XKR4: variants seen among roughly 807,000 people sequenced by gnomAD.
XKR4 encodes XK related 4.
Under a neutral mutation model 53.9 loss-of-function variants are expected in XKR4, and 12 were observed. That is an observed-to-expected ratio of 0.22 (90% CI 0.14 to 0.36). XKR4 has a LOEUF of 0.36. Among genes scored for constraint, XKR4 ranks in the 10% least tolerant of loss-of-function variants. The pLI is 1.00. For synonymous variants in XKR4, 354 were observed against 362.4 expected (o/e 0.98, Z 0.26); for missense variants, 799 against 859.5 (o/e 0.93, Z 0.88).
At chr8:55,439,076 G>A (rs566478431) in intron 2 of XKR4, among the ~76,000 whole-genome samples, 10 of 152,304 alleles carry the variant, frequency 6.6e-5, no homozygotes, top group South Asian at 6.2e-4. Context: ...GAGTACAGAA[G>A]TAAATAAGAT....
Position 55,446,817 on chromosome 8 carries a change from C to T in XKR4, c.1007-76464C>T, listed in dbSNP as rs180835417. On this transcript the variant is annotated intron_variant, in intron 2 of 2. Transcript: ENST00000327381. ...TTCTGAAAGAGATTCCTGCAGTTATCCAAGGAAATAGCCACTTAGGTCAAT... is the reference window on the plus strand; with the variant it reads ...TTCTGAAAGAGATTCCTGCAGTTATTCAAGGAAATAGCCACTTAGGTCAAT... Among the ~76,000 whole-genome samples, 110 of 152,244 alleles carry T rather than the reference C, an allele frequency of 7.2e-4. 1 individual carries two copies. The highest frequency in any genetic ancestry group is 2.6e-3 in the African/African-American group (107 of 41,548).
intron 2 of XKR4, chr8:55,454,065 G>T (rs1055725518): frequency 1.2e-6 from 1 of 825,718 alleles, no homozygotes. Flanking sequence ...TGGAAGAGCC[G>T]CAGCTCTTTG....
chr8:55,225,430 C>G (rs1563487389), intron 1 of XKR4, among the ~76,000 whole-genome samples: 1 of 152,184 alleles, frequency 6.6e-6, no homozygotes, highest in Non-Finnish European at 1.5e-5. Context: ...TGCCCACAGT[C>G]TAAATGGGCT....
intron 1 of XKR4, among the ~76,000 whole-genome samples, chr8:55,190,293 C>G (rs187439996): frequency 6.6e-6 from 1 of 152,306 alleles, no homozygotes; most frequent in East Asian, 1.9e-4. Context: ...ACAGGGCAAA[C>G]AATTACTAGG....
chr8:55,202,102 C>G (rs1024767080), intron 1 of XKR4, among the ~76,000 whole-genome samples: 7 of 152,236 alleles, frequency 4.6e-5, no homozygotes, highest in African/African-American at 1.7e-4. Context: ...CTGGTGCCAA[C>G]AACTGCTCAG....
chr8:55,230,325 C>T (rs1027306751), intron 1 of XKR4, among the ~76,000 whole-genome samples: 9 of 150,928 alleles, frequency 6.0e-5, no homozygotes, highest in Non-Finnish European at 1.2e-4. Context: ...TTTTAAATTA[C>T]CATCTATGGT....
rs1261200112 is a variant in XKR4, at chr8:55,533,391, T to C, written c.*9164T>C. ...CATTTTATATCATTCTTTCAAAAAA[T>C]TAAAATATTCAACTTCCCTTATTAA... On this transcript the variant is annotated 3_prime_UTR_variant, in exon 3 of 3. Transcript: ENST00000327381. 2.0e-5 allele frequency: 3 copies of C among 152,220 alleles called. No homozygotes were observed. The highest frequency in any genetic ancestry group is 2.9e-5 in the Non-Finnish European group (2 of 68,026). The allele number at this position is 152,220 out of a possible 1,614,324, so 9.4% of individuals were successfully genotyped here.
intron 1 of XKR4, among the ~76,000 whole-genome samples, chr8:55,234,084 G>C (rs1818084630): frequency 6.6e-6 from 1 of 152,146 alleles, no homozygotes; most frequent in Admixed American, 6.5e-5. Flanking sequence ...GGTCAAGATA[G>C]ATATTAGCAA....
chr8:55,375,380 G>C (rs919462287), intron 2 of XKR4, among the ~76,000 whole-genome samples: 1 of 152,156 alleles, frequency 6.6e-6, no homozygotes. Context: ...TATCAGAAAA[G>C]AGTTCCCTCA....
In XKR4 at chr8:55,389,207, G is replaced by A. The variant is rs187070776; in HGVS notation, c.1006+31330G>A. Among the ~76,000 whole-genome samples, 119 of 152,290 alleles carry A rather than the reference G, an allele frequency of 7.8e-4. 1 individual carries two copies. The highest frequency in any genetic ancestry group is 1.0e-3 in the Admixed American group (16 of 15,290). Reference sequence around the variant, plus strand: ...TTCCAAAGAGTGCGTGGCCCTGCAGGCACCTTGGTACTGGACTTCCAGCCT... The same window carrying A: ...TTCCAAAGAGTGCGTGGCCCTGCAGACACCTTGGTACTGGACTTCCAGCCT... On this transcript the variant is annotated intron_variant, in intron 2 of 2. Transcript: ENST00000327381.
chr8:55,336,776 C>A (rs1394638433), intron 1 of XKR4, among the ~76,000 whole-genome samples: 1 of 152,052 alleles, frequency 6.6e-6, no homozygotes, highest in African/African-American at 2.4e-5. Flanking sequence ...ATTTGATTTA[C>A]AATTTTGGGG....
chr8:55,423,199 G>A (rs537778169), intron 2 of XKR4, among the ~76,000 whole-genome samples: 21 of 152,020 alleles, frequency 1.4e-4, no homozygotes, highest in Admixed American at 1.1e-3. Flanking sequence ...AGGTTCAAGC[G>A]ATTCTCATGC....
intron 1 of XKR4, among the ~76,000 whole-genome samples, chr8:55,341,000 G>T (rs147773063): frequency 6.6e-6 from 1 of 152,126 alleles, no homozygotes; most frequent in Non-Finnish European, 1.5e-5. Flanking sequence ...ACCATTCTGG[G>T]GTGTTTGAGC....
intron 1 of XKR4, among the ~76,000 whole-genome samples, chr8:55,319,131 AAG>A (rs1803166467): frequency 6.6e-6 from 1 of 152,216 alleles, no homozygotes; most frequent in Non-Finnish European, 1.5e-5. Flanking sequence ...TGAAAAAGAA[AAG>A]AGAGAAATAC....
At chr8:55,393,428 AAGGAAGGAAGGAAGGAAGGAAGGAAG>A (rs1804471296) in intron 2 of XKR4, among the ~76,000 whole-genome samples, 1 of 58,514 alleles carries the variant, frequency 1.7e-5, no homozygotes, top group African/African-American at 3.1e-5. Context: ...GGAAGGAAGG[AAGGAAGGAAGGAAGGAAGGAAGGAAG>A]GAAGAAAGGA....
intron 1 of XKR4, among the ~76,000 whole-genome samples, chr8:55,285,588 A>G (rs1818897567): frequency 6.6e-6 from 1 of 152,224 alleles, no homozygotes; most frequent in East Asian, 1.9e-4. Context: ...AAGGCTTGCT[A>G]ATACCTTTTA....
At chr8:55,111,346 C>T (rs1029162028) in intron 1 of XKR4, among the ~76,000 whole-genome samples, 3 of 152,114 alleles carry the variant, frequency 2.0e-5, no homozygotes, top group African/African-American at 7.2e-5. Flanking sequence ...TGATTCTGCT[C>T]TTATTATACA....
At chr8:55,333,906 A>C (rs1019052699) in intron 1 of XKR4, among the ~76,000 whole-genome samples, 1 of 152,196 alleles carries the variant, frequency 6.6e-6, no homozygotes, top group Non-Finnish European at 1.5e-5. Context: ...GTAGCATTTT[A>C]AATTTAGTTT....
At chr8:55,172,514 A>C (rs983039616) in intron 1 of XKR4, among the ~76,000 whole-genome samples, 1 of 152,216 alleles carries the variant, frequency 6.6e-6, no homozygotes, top group African/African-American at 2.4e-5. Context: ...ATATAAATAC[A>C]TATATACAAT....
Sources: allele counts gnomAD v4.1 joint callset (sites outside exome capture counted in the v4.1 genomes callset), GRCh38; gene constraint gnomAD v4.1.1; transcripts MANE v1.5; gene names NCBI Gene and HGNC (gene_info 2026-07-23, HGNC 2026-07-21).